Variants in DNAH6 observed in about 807,000 individuals in gnomAD.
DNAH6 encodes axonemal beta dynein heavy chain 6.
Under a neutral mutation model 491.4 loss-of-function variants are expected in DNAH6, and 340 were observed. The ratio of observed to expected loss-of-function variants is 0.69; its 90% CI spans 0.63 to 0.76. DNAH6 has a LOEUF of 0.76. DNAH6 is among the 30% of genes least tolerant of loss of function. The pLI is 0.00. For synonymous variants in DNAH6, 1,603 were observed against 1,686.1 expected (o/e 0.95, Z 1.21); for missense variants, 4,443 against 4,972.2 (o/e 0.89, Z 3.20).
chr2:84,633,949 G>T (rs984569492), intron 29 of DNAH6, among the ~76,000 whole-genome samples: 1 of 152,100 alleles, frequency 6.6e-6, no homozygotes, highest in African/African-American at 2.4e-5. Context: ...TTATATACAT[G>T]CTTAACCAAT....
chr2:84,655,797 T>C (rs1207385269), intron 35 of DNAH6, among the ~76,000 whole-genome samples: 1 of 152,170 alleles, frequency 6.6e-6, no homozygotes, highest in African/African-American at 2.4e-5. Flanking sequence ...TTTGCATAAA[T>C]GGTGAACCAC....
chr2:84,500,978 T>G, the DNAH6 span, among the ~76,000 whole-genome samples: 1 of 152,194 alleles, frequency 6.6e-6, no homozygotes, highest in Non-Finnish European at 1.5e-5. Context: ...CAAAGAAGGA[T>G]AATTTGACTT....
intron 28 of DNAH6, 63 bp downstream of exon 28, chr2:84,624,683 A>G (rs1195924442): frequency 1.1e-5 from 16 of 1,488,778 alleles, no homozygotes; most frequent in South Asian, 9.1e-5. Flanking sequence ...AAAGTCTTGA[A>G]AAGTTTCATA....
At position 84,552,901 on chromosome 2, in the gene DNAH6, A is replaced by G. The variant is rs760095565; in HGVS notation, c.1486-17A>G. 8 of 1,476,962 alleles carry G rather than the reference A, an allele frequency of 5.4e-6. No homozygotes were observed. The highest frequency in any genetic ancestry group is 1.4e-5 in the African/African-American group (1 of 71,878). 91.5% of individuals were successfully genotyped at this position (1,476,962 alleles called of 1,614,324 possible). On this transcript the variant is annotated splice_polypyrimidine_tract_variant and intron_variant, in intron 9 of 76. Coordinates refer to ENST00000389394, the MANE Select transcript of DNAH6 (RefSeq NM_001370.2). ...GATACTTGTGTCTTTATAACACTGT[A>G]CATATATTCATTTCAGGGGACCCTT...
chr2:84,512,161 C>T (rs953217123), upstream of DNAH6, among the ~76,000 whole-genome samples: 6 of 152,100 alleles, frequency 3.9e-5, no homozygotes, highest in Admixed American at 6.5e-5. Flanking sequence ...TTAATCTTTT[C>T]TATAGTCCCT....
chr2:84,812,285 C>G lies in DNAH6; in HGVS notation c.11740-56C>G, dbSNP rs141369720. 8.9e-5 allele frequency: 131 copies of G among 1,466,486 alleles called. No homozygotes were observed. In the African/African-American group the frequency reaches 1.6e-3, roughly 17 times the overall value. 90.8% of individuals were successfully genotyped at this position (1,466,486 alleles called of 1,614,324 possible). A position where few individuals can be genotyped will look rare whatever the true frequency, so the allele number is the denominator to read the frequency against. On this transcript the variant is annotated intron_variant, in intron 72 of 76. Coordinates refer to ENST00000389394, the MANE Select transcript of DNAH6 (RefSeq NM_001370.2). ...CCCCTGCTGTCATTAATGTGTGTCACTGACACTGGATAATGACATCTGCAA... is the reference window on the plus strand; with the variant it reads ...CCCCTGCTGTCATTAATGTGTGTCAGTGACACTGGATAATGACATCTGCAA...
At chr2:84,793,128 T>C (rs940578415) in intron 68 of DNAH6, among the ~76,000 whole-genome samples, 1 of 152,160 alleles carries the variant, frequency 6.6e-6, no homozygotes, top group Admixed American at 6.5e-5. Flanking sequence ...TCTGCAATGG[T>C]ACCCACAGGA....
In DNAH6 at chr2:84,681,416, C is replaced by T. The variant is rs1215070615; in HGVS notation, c.6804C>T (p.Ser2268=). ...CAGCTGTAAAGCAAACTGCATCAAGCATTGTAGAAGCCTCAGTTGAGATTT... is the reference window on the plus strand; with the variant it reads ...CAGCTGTAAAGCAAACTGCATCAAGTATTGTAGAAGCCTCAGTTGAGATTT... ...FPPAVKQTAS[S]IVEASVEIYN... The change falls in exon 42 of 77, where the codon AGC becomes AGT. Residue 2268 remains serine, a synonymous_variant. Transcript: ENST00000389394. The T allele has an allele frequency of 1.0e-5, 16 of 1,551,452 alleles. No individual in the cohort carries two copies. Among genetic ancestry groups the T allele is most frequent in the Non-Finnish European group, 1.4e-5 (16 of 1,146,864 alleles).
At chr2:84,733,077 G>A (rs1252632154) in intron 61 of DNAH6, among the ~76,000 whole-genome samples, 2 of 152,204 alleles carry the variant, frequency 1.3e-5, no homozygotes, top group Non-Finnish European at 2.9e-5. Context: ...CTAGGGGTGA[G>A]AACATCTGGG....
At chr2:84,477,488 T>C in the DNAH6 span, among the ~76,000 whole-genome samples, 6 of 152,270 alleles carry the variant, frequency 3.9e-5, no homozygotes, top group African/African-American at 1.4e-4. Context: ...CAAACCTGTC[T>C]GGTAATTCTT....
the DNAH6 span, among the ~76,000 whole-genome samples, chr2:84,461,380 TAGC>T: frequency 6.6e-6 from 1 of 152,142 alleles, no homozygotes; most frequent in Non-Finnish European, 1.5e-5. Flanking sequence ...CCACAAAAAA[TAGC>T]AGCCCAACCC....
At chr2:84,733,099 G>A (rs1459014177) in intron 61 of DNAH6, among the ~76,000 whole-genome samples, 5 of 152,318 alleles carry the variant, frequency 3.3e-5, no homozygotes, top group Admixed American at 3.3e-4. Flanking sequence ...ATCTGATTGG[G>A]AGACTAGTTC....
rs778249925 is a variant in DNAH6 at position 84,619,782 on chromosome 2, A to G, written c.3670A>G (p.Ile1224Val). Reference protein sequence around the residue: ...QPHLRKCFDSISKLEFALMPP... With the variant: ...QPHLRKCFDSVSKLEFALMPP... The stretch of plus-strand genomic sequence containing the variant: ...ACACTTAAGGAAATGCTTCGACTCC[A>G]TTTCAAAGCTCGAATTTGCTCTCAT... Residue 1224 changes from isoleucine (I) to valine (V), a missense_variant, in exon 24 of 77, where the codon ATT becomes GTT. By Grantham distance (29) the Ile-to-Val change is conservative (BLOSUM62 3). Around this residue, in one of 3 missense-constraint regions of DNAH6, gnomAD observed 2,977 missense variants for 3,296.6 expected, o/e 0.90. Transcript: ENST00000389394. 45 of 1,551,624 alleles carry G rather than the reference A, an allele frequency of 2.9e-5. No homozygotes were observed. The South Asian group carries it at 4.5e-4, about 16-fold the overall frequency.
chr2:84,676,937 A>C (rs1027490899), intron 40 of DNAH6, 68 bp from the exon 41 acceptor site: 2 of 1,512,478 alleles, frequency 1.3e-6, no homozygotes, highest in Admixed American at 4.1e-5. Context: ...GGGAAGTCCT[A>C]CCATTAGGAT....
intron 24 of DNAH6, among the ~76,000 whole-genome samples, chr2:84,620,986 G>T (rs1687342973): frequency 6.6e-6 from 1 of 152,204 alleles, no homozygotes; most frequent in South Asian, 2.1e-4. Flanking sequence ...CTTTCAGGGA[G>T]TTGACTCCAA....
At chr2:84,808,877 A>G (rs1161158863) in intron 72 of DNAH6, among the ~76,000 whole-genome samples, 1 of 152,180 alleles carries the variant, frequency 6.6e-6, no homozygotes, top group African/African-American at 2.4e-5. Flanking sequence ...TCTAGTTTGC[A>G]TTTCATAACA....
Position 84,616,946 on chromosome 2 carries a change from A to G in DNAH6, c.3536A>G (p.Glu1179Gly), listed in dbSNP as rs1344805080. 1.3e-6 allele frequency: 2 copies of G among 1,501,710 alleles called. No homozygotes were observed. The highest frequency in any genetic ancestry group is 1.8e-6 in the Non-Finnish European group (2 of 1,128,794). 93.0% of individuals were successfully genotyped at this position (1,501,710 alleles called of 1,614,324 possible). The change falls in exon 23 of 77, where the codon GAG becomes GGG. Residue 1179 changes from glutamate to glycine, a missense_variant. Transcript: ENST00000389394. Reference sequence around the variant, plus strand: ...CTTGACCAAATTCAGAAGTGCCTAGAGGCATACTTAGAATCAAAAAGAGTT... The same window carrying G: ...CTTGACCAAATTCAGAAGTGCCTAGGGGCATACTTAGAATCAAAAAGAGTT... The part of the protein sequence containing the change: ...ALLDQIQKCL[E>G]AYLESKRVIF...
At chr2:84,695,333 A>C (rs930624281) in intron 46 of DNAH6, among the ~76,000 whole-genome samples, 1 of 151,794 alleles carries the variant, frequency 6.6e-6, no homozygotes, top group Non-Finnish European at 1.5e-5. Context: ...TTGCAAGTTG[A>C]TAATGGTAAA....
chr2:84,753,097 G>T (rs1673626521), intron 63 of DNAH6, among the ~76,000 whole-genome samples: 1 of 152,140 alleles, frequency 6.6e-6, no homozygotes, highest in African/African-American at 2.4e-5. Flanking sequence ...CCATCCTAGT[G>T]GGTGTGAGAT....
Sources: allele counts gnomAD v4.1 joint callset (sites outside exome capture counted in the v4.1 genomes callset), GRCh38; gene constraint gnomAD v4.1.1; regional missense constraint gnomAD v4.1.1; transcripts MANE v1.5; gene names NCBI Gene and HGNC (gene_info 2026-07-23, HGNC 2026-07-21).